MET: variants seen among roughly 807,000 people sequenced by gnomAD.
The protein encoded by MET is hepatocyte growth factor receptor.
A neutral mutation model predicts 133.1 loss-of-function variants in MET; 48 were observed. The observed-to-expected ratio is 0.36, with a 90% confidence interval of 0.29 to 0.46. MET has a LOEUF of 0.46. Ranked by LOEUF, MET falls within the 20% of genes least tolerant of loss-of-function variation. The pLI is 1.00. For synonymous variants in MET, 628 were observed against 616.5 expected (o/e 1.02, Z -0.28); for missense variants, 1,442 against 1,695.9 (o/e 0.85, Z 2.63).
chr7:116,706,888 A>ATTT (rs35404902), intron 2 of MET, among the ~76,000 whole-genome samples: 233 of 139,094 alleles, frequency 1.7e-3, no homozygotes, highest in African/African-American at 6.0e-3. Flanking sequence ...CCTTCCCTTG[A>ATTT]TTTTTTTTTT....
chr7:116,731,478 T>C (rs1370541728), intron 2 of MET, among the ~76,000 whole-genome samples, 190 bp from the exon 3 acceptor site: 1 of 152,212 alleles, frequency 6.6e-6, no homozygotes, highest in African/African-American at 2.4e-5. Context: ...TTAGAGTCTA[T>C]AAATAATGCC....
At chr7:116,750,186 A>G (rs1025668759) in intron 5 of MET, among the ~76,000 whole-genome samples, 2 of 152,204 alleles carry the variant, frequency 1.3e-5, no homozygotes, top group Non-Finnish European at 2.9e-5. Context: ...AAACTATACT[A>G]CAAGGTTGCA....
At chr7:116,738,715 A>G (rs894885981) in intron 3 of MET, among the ~76,000 whole-genome samples, 3 of 152,180 alleles carry the variant, frequency 2.0e-5, no homozygotes, top group Admixed American at 6.6e-5. Flanking sequence ...TACTTTGAGA[A>G]TCTTCCCAAA....
intron 1 of MET, among the ~76,000 whole-genome samples, chr7:116,696,914 C>T (rs918643502): frequency 6.6e-6 from 1 of 152,242 alleles, no homozygotes; most frequent in Non-Finnish European, 1.5e-5. Context: ...TCAAGGCAGG[C>T]TTCTCAGAAT....
intron 1 of MET, among the ~76,000 whole-genome samples, chr7:116,682,635 G>A (rs1431487293): frequency 6.6e-6 from 1 of 152,184 alleles, no homozygotes; most frequent in African/African-American, 2.4e-5. Context: ...CAGTGAAGAC[G>A]TTCAATGAGA....
intron 19 of MET, among the ~76,000 whole-genome samples, chr7:116,785,410 G>C (rs546382970): frequency 3.3e-5 from 5 of 152,256 alleles, no homozygotes; most frequent in African/African-American, 1.2e-4. Context: ...GACCAAGTGG[G>C]GGGAGGGGGA....
In MET at chr7:116,708,256, C is replaced by T. The variant is rs146652167; in HGVS notation, c.1200+7972C>T. ...GGTAGTTGAGTCACAAAAGGCTGTC[C>T]TGAGGAGGTGAAAGCTAACCTTTAT... On this transcript the variant is annotated intron_variant, in intron 2 of 20. Coordinates refer to ENST00000397752, the MANE Select transcript of MET (RefSeq NM_000245.4). Among the ~76,000 whole-genome samples, 777 of 152,168 alleles carry T rather than the reference C, an allele frequency of 5.1e-3. 3 individuals are homozygous for T. The highest frequency in any genetic ancestry group is 0.018 in the African/African-American group (729 of 41,546).
At chr7:116,758,313 T>C in intron 8 of MET, 146 bp from the exon 9 acceptor site, 1 of 774,018 alleles carries the variant, frequency 1.3e-6, no homozygotes, top group Non-Finnish European at 2.2e-6. Flanking sequence ...CCAGTCAGAT[T>C]AAACAGCCTA....
Position 116,796,258 on chromosome 7 carries a change from T to G in MET, c.*134T>G. On this transcript the variant is annotated 3_prime_UTR_variant, in exon 21 of 21. Transcript: ENST00000397752. Reference sequence around the variant, plus strand: ...TATAGGACTTGTATTGTTATTTAAATTACTGGATTCTAAGGAATTTCTTAT... The same window carrying G: ...TATAGGACTTGTATTGTTATTTAAAGTACTGGATTCTAAGGAATTTCTTAT... The G allele has an allele frequency of 1.2e-6, 1 of 844,402 alleles. No homozygotes were observed. The highest frequency in any genetic ancestry group is 2.0e-6 in the Non-Finnish European group (1 of 506,948). 52.3% of individuals were successfully genotyped at this position (844,402 alleles called of 1,614,324 possible). A position where few individuals can be genotyped will look rare whatever the true frequency, so the allele number is the denominator to read the frequency against.
intron 1 of MET, among the ~76,000 whole-genome samples, chr7:116,679,794 A>G (rs1796283561): frequency 6.6e-6 from 1 of 152,188 alleles, no homozygotes; most frequent in Admixed American, 6.5e-5. Flanking sequence ...CTGTTTGTGA[A>G]TGTGTATTTT....
intron 19 of MET, among the ~76,000 whole-genome samples, chr7:116,789,513 A>T (rs1795419692): frequency 6.6e-6 from 1 of 152,202 alleles, no homozygotes; most frequent in African/African-American, 2.4e-5. Flanking sequence ...AGGACATAGA[A>T]CAGTTCTATC....
At chr7:116,733,924 C>G (rs750463659) in intron 3 of MET, among the ~76,000 whole-genome samples, 1 of 152,066 alleles carries the variant, frequency 6.6e-6, no homozygotes, top group Non-Finnish European at 1.5e-5. Flanking sequence ...ATTTCTCTGA[C>G]GCTTGCCTAA....
At chr7:116,793,323 C>T (rs1023430723) in intron 19 of MET, among the ~76,000 whole-genome samples, 3 of 151,922 alleles carry the variant, frequency 2.0e-5, no homozygotes, top group South Asian at 2.1e-4. Flanking sequence ...TACAGGTGCA[C>T]ACCACCATGC....
chr7:116,729,477 T>C (rs1252223710), intron 2 of MET, among the ~76,000 whole-genome samples: 1 of 152,242 alleles, frequency 6.6e-6, no homozygotes, highest in Non-Finnish European at 1.5e-5. Flanking sequence ...GAAGGATAAC[T>C]AAACTTTTAT....
chr7:116,768,600 T>C (rs761336829), intron 11 of MET, among the ~76,000 whole-genome samples: 16 of 152,242 alleles, frequency 1.1e-4, no homozygotes, highest in African/African-American at 1.4e-4. Context: ...AATAACTGCC[T>C]GACCAATCAA....
At chr7:116,712,314 T>C (rs1025196653) in intron 2 of MET, among the ~76,000 whole-genome samples, 1 of 152,224 alleles carries the variant, frequency 6.6e-6, no homozygotes, top group Non-Finnish European at 1.5e-5. Context: ...TTGCGTTTCC[T>C]GAGCACACCA....
At chr7:116,720,497 C>T (rs1584900974) in intron 2 of MET, among the ~76,000 whole-genome samples, 1 of 127,860 alleles carries the variant, frequency 7.8e-6, no homozygotes, top group South Asian at 2.8e-4. Flanking sequence ...TGCCTGATTG[C>T]CCTGGCCAGA....
chr7:116,788,122 A>G (rs1795373956), intron 19 of MET, among the ~76,000 whole-genome samples: 1 of 152,206 alleles, frequency 6.6e-6, no homozygotes, highest in African/African-American at 2.4e-5. Flanking sequence ...TTCTAGAAAG[A>G]GGCAGAACTA....
rs1795716790 is a variant in MET, at chr7:116,797,641, A to G, written c.*1517A>G. On this transcript the variant is annotated 3_prime_UTR_variant, in exon 21 of 21. Transcript: ENST00000397752. The stretch of plus-strand genomic sequence containing the variant: ...TGTTATATTTTTTATAAAAATGTTT[A>G]TTTTTAATGATATGAGAAAAATTTT... 4.4e-6 allele frequency: 1 copy of G among 224,724 alleles called. No homozygotes were observed. Among genetic ancestry groups the G allele is most frequent in the South Asian group, 1.8e-4 (1 of 5,444 alleles). The allele number at this position is 224,724 out of a possible 1,614,324, so 13.9% of individuals were successfully genotyped here. A position where few individuals can be genotyped will look rare whatever the true frequency, so the allele number is the denominator to read the frequency against.
Sources: gnomAD v4.1 joint callset for allele counts (sites outside exome capture counted in the v4.1 genomes callset) on GRCh38, gnomAD v4.1.1 for gene constraint, MANE v1.5 for transcripts, NCBI Gene and HGNC (gene_info 2026-07-23, HGNC 2026-07-21) for gene names.